The following AKT3 variants were observed in gnomAD, a reference collection of about 807,000 sequenced individuals.
AKT3 encodes RAC-gamma serine/threonine-protein kinase.
In AKT3, 15 loss-of-function variants were observed where a neutral mutation model predicts 65.3. That is an observed-to-expected ratio of 0.23 (90% CI 0.15 to 0.35). AKT3 has a LOEUF of 0.35. AKT3 is among the 10% of genes least tolerant of loss of function. The probability of loss-of-function intolerance (pLI) is 1.00; values close to 1 mark genes in which losing one functional copy is unlikely to be tolerated. For synonymous variants in AKT3, 206 were observed against 183.8 expected (o/e 1.12, Z -0.98); for missense variants, 243 against 576.5 (o/e 0.42, Z 5.92).
chr1:243,675,344 C>T (rs141275117), intron 3 of AKT3, among the ~76,000 whole-genome samples: 30 of 152,260 alleles, frequency 2.0e-4, no homozygotes, highest in African/African-American at 5.8e-4. Flanking sequence ...GGATTACAGG[C>T]GCATACTACC....
intron 13 of AKT3, among the ~76,000 whole-genome samples, chr1:243,511,879 G>C (rs966153477): frequency 6.6e-6 from 1 of 152,176 alleles, no homozygotes; most frequent in African/African-American, 2.4e-5. Flanking sequence ...TTAAGAGAGA[G>C]CTAAGTAAAA....
At chr1:243,725,031 T>G (rs1687125115) in intron 2 of AKT3, among the ~76,000 whole-genome samples, 2 of 149,978 alleles carry the variant, frequency 1.3e-5, no homozygotes, top group South Asian at 4.2e-4. Context: ...AGCAAGACCT[T>G]GTCTAGACCA....
At chr1:243,810,204 A>C (rs879523945) in intron 2 of AKT3, among the ~76,000 whole-genome samples, 11 of 152,210 alleles carry the variant, frequency 7.2e-5, no homozygotes, top group Non-Finnish European at 1.6e-4. Flanking sequence ...ATAGAGACAT[A>C]AAAAACCCTT....
intron 2 of AKT3, among the ~76,000 whole-genome samples, chr1:243,841,182 T>C (rs1470596026): frequency 4.4e-5 from 2 of 45,374 alleles, no homozygotes; most frequent in African/African-American, 6.7e-5. Flanking sequence ...TCTTATTCAT[T>C]TTTTTTTCTA....
At chr1:243,760,567 G>C (rs1689429796) in intron 2 of AKT3, among the ~76,000 whole-genome samples, 1 of 152,050 alleles carries the variant, frequency 6.6e-6, no homozygotes, top group African/African-American at 2.4e-5. Flanking sequence ...GTGCTTTAGG[G>C]GTCATTTGCA....
intron 2 of AKT3, among the ~76,000 whole-genome samples, chr1:243,819,773 A>G (rs1693745949): frequency 6.6e-6 from 1 of 152,230 alleles, no homozygotes; most frequent in Non-Finnish European, 1.5e-5. Context: ...CCTCTGGGAC[A>G]GAAATCACAG....
At chr1:243,520,607 T>G (rs1215829811) in intron 12 of AKT3, among the ~76,000 whole-genome samples, 1 of 152,234 alleles carries the variant, frequency 6.6e-6, no homozygotes, top group Non-Finnish European at 1.5e-5. Context: ...ATCAACTCAA[T>G]GAACAGCTAT....
upstream of AKT3, among the ~76,000 whole-genome samples, chr1:243,850,347 C>T (rs1235281256): frequency 1.4e-5 from 2 of 144,238 alleles, no homozygotes; most frequent in South Asian, 2.4e-4. Context: ...GAGAGGGCGG[C>T]GGCGGGGAGA....
intron 12 of AKT3, among the ~76,000 whole-genome samples, chr1:243,522,085 G>A (rs981980785): frequency 3.9e-5 from 6 of 152,176 alleles, no homozygotes; most frequent in Non-Finnish European, 8.8e-5. Context: ...AAAGGCATGA[G>A]AGGGTAACAA....
chr1:243,713,368 C>A (rs73128258), intron 2 of AKT3, among the ~76,000 whole-genome samples: 5 of 152,064 alleles, frequency 3.3e-5, no homozygotes, highest in African/African-American at 1.2e-4. Flanking sequence ...AACTAATTAA[C>A]GAAATAAGGG....
At chr1:243,557,595 G>A (rs910094096) in intron 10 of AKT3, among the ~76,000 whole-genome samples, 5 of 151,868 alleles carry the variant, frequency 3.3e-5, no homozygotes, top group Non-Finnish European at 1.5e-5. Context: ...ATATTACCCA[G>A]AAAATCATAT....
At chr1:243,655,027 TCTCTC>T (rs1223772386) in intron 4 of AKT3, among the ~76,000 whole-genome samples, 1 of 152,164 alleles carries the variant, frequency 6.6e-6, no homozygotes, top group Non-Finnish European at 1.5e-5. Flanking sequence ...TTTGCTCTAT[TCTCTC>T]CTCTCCTTCT....
At chr1:243,760,315 C>G (rs1422102206) in intron 2 of AKT3, among the ~76,000 whole-genome samples, 2 of 97,118 alleles carry the variant, frequency 2.1e-5, no homozygotes, top group East Asian at 3.4e-4. Flanking sequence ...GTCATGGAGA[C>G]AGGATATTGC....
chr1:243,673,036 A>T (rs1446093591), intron 3 of AKT3, among the ~76,000 whole-genome samples: 1 of 152,216 alleles, frequency 6.6e-6, no homozygotes, highest in African/African-American at 2.4e-5. Context: ...GGAATTAGGC[A>T]TGTTGGTTTT....
chr1:243,822,136 CACA>C (rs1693893072), intron 2 of AKT3, among the ~76,000 whole-genome samples: 1 of 152,170 alleles, frequency 6.6e-6, no homozygotes, highest in Non-Finnish European at 1.5e-5. Context: ...CTCAAAACCA[CACA>C]ACTACATGGA....
Position 243,829,447 on chromosome 1 carries a change from A to C in AKT3, c.46+13678T>G, listed in dbSNP as rs190031241. ...ATTTTACAAGGCAAAAATATACCGT[A>C]ACATTAAAAGGTATATTCAAACTAG... On this transcript the variant is annotated intron_variant, in intron 2 of 13. Coordinates refer to ENST00000673466, the MANE Select transcript of AKT3 (RefSeq NM_005465.7). Among the ~76,000 whole-genome samples the C allele has an allele frequency of 8.5e-5, 13 of 152,326 alleles. No homozygotes were observed. In the East Asian group the frequency reaches 2.5e-3, roughly 29 times the overall value.
chr1:243,726,235 G>A (rs548973599), intron 2 of AKT3, among the ~76,000 whole-genome samples: 2 of 152,078 alleles, frequency 1.3e-5, no homozygotes, highest in Non-Finnish European at 2.9e-5. Flanking sequence ...AATTATTTAC[G>A]AAAGGCAGAT....
At chr1:243,608,052 G>C (rs1677562315) in intron 8 of AKT3, among the ~76,000 whole-genome samples, 2 of 152,132 alleles carry the variant, frequency 1.3e-5, no homozygotes, top group South Asian at 4.1e-4. Flanking sequence ...CCCGTCTGGG[G>C]CAGTTCTTTT....
At chr1:243,848,987 A>G (rs1695632399) in intron 1 of AKT3, among the ~76,000 whole-genome samples, 1 of 152,226 alleles carries the variant, frequency 6.6e-6, no homozygotes, top group South Asian at 2.1e-4. Flanking sequence ...CAGAACATAA[A>G]CAGTAAATAC....
Sources: allele counts gnomAD v4.1 joint callset (sites outside exome capture counted in the v4.1 genomes callset), GRCh38; gene constraint gnomAD v4.1.1; transcripts MANE v1.5; gene names NCBI Gene and HGNC (gene_info 2026-07-23, HGNC 2026-07-21).